Variants in ADGRA2 observed in about 807,000 individuals in gnomAD.
ADGRA2 encodes the protein G-protein coupled receptor 124.
ADGRA2 carries 61 observed loss-of-function variants against 98.7 expected under a neutral mutation model. That is an observed-to-expected ratio of 0.62 (90% confidence interval 0.50 to 0.76). ADGRA2 has a LOEUF of 0.76. ADGRA2 is among the 30% of genes least tolerant of loss of function. The pLI, the probability that ADGRA2 is intolerant of heterozygous loss-of-function variation, is 0.00. For missense variants in ADGRA2, 1,712 were observed against 1,860.0 expected (o/e 0.92, Z 1.46); for synonymous variants, 858 against 831.5 (o/e 1.03, Z -0.55).
chr8:37,833,025 G>A lies in ADGRA2; in HGVS notation c.1113G>A (p.Leu371=). ...NRGDFRWPRT[L]AGITAYQSCL... is the part of the protein sequence containing the mutation. ...CTCCCCCCAGGTGGCCCCGAACTCTGGCTGGCATCACAGCCTACCAGTCCT... is the reference window on the plus strand; with the variant it reads ...CTCCCCCCAGGTGGCCCCGAACTCTAGCTGGCATCACAGCCTACCAGTCCT... Residue 371 remains leucine, a synonymous_variant, in exon 9 of 19, where the codon CTG becomes CTA. Coordinates refer to ENST00000412232, the MANE Select transcript of ADGRA2 (RefSeq NM_032777.10). 8 of 1,612,962 alleles carry A rather than the reference G, an allele frequency of 5.0e-6. No individual in the cohort carries two copies. The highest frequency in any genetic ancestry group is 6.8e-6 in the Non-Finnish European group (8 of 1,179,790).
intron 2 of ADGRA2, among the ~76,000 whole-genome samples, chr8:37,823,381 G>A (rs961838206): frequency 6.6e-6 from 1 of 151,354 alleles, no homozygotes; most frequent in Non-Finnish European, 1.5e-5. Flanking sequence ...TTCTTTTTTG[G>A]TAGAGATAGG....
In ADGRA2 at chr8:37,839,271, G is replaced by A. The variant is rs745460946; in HGVS notation, c.2387+188G>A. On this transcript the variant is annotated intron_variant, in intron 15 of 18. Transcript: ENST00000412232. Reference sequence around the variant, plus strand: ...GGTGGACTCACTGAGGACTTGGCAGGGGTTTTTTCCCCAGGTGGGTCCACA... The same window carrying A: ...GGTGGACTCACTGAGGACTTGGCAGAGGTTTTTTCCCCAGGTGGGTCCACA... 2.3e-5 allele frequency: 14 copies of A among 620,794 alleles called. No individual in the cohort carries two copies. In the South Asian group the frequency reaches 3.6e-4, roughly 16 times the overall value. The allele number at this position is 620,794 out of a possible 1,614,324, so 38.5% of individuals were successfully genotyped here.
At chr8:37,805,636 G>A (rs1328744135) in intron 1 of ADGRA2, among the ~76,000 whole-genome samples, 2 of 151,890 alleles carry the variant, frequency 1.3e-5, no homozygotes, top group African/African-American at 4.8e-5. Context: ...TTGGGAGGCC[G>A]AGGTGGGTGG....
chr8:37,829,193 TG>T, intron 3 of ADGRA2, 67 bp from the exon 4 acceptor site: 1 of 1,168,792 alleles, frequency 8.6e-7, no homozygotes, highest in Non-Finnish European at 1.3e-6. Context: ...CCCACCCATG[TG>T]TTCCTCACAA....
Position 37,840,856 on chromosome 8 carries a change from A to AGGGG in ADGRA2, c.2747+7_2747+8insGGGG. The AGGGG allele has an allele frequency of 3.4e-6, 5 of 1,483,304 alleles. No individual in the cohort carries two copies. The highest frequency in any genetic ancestry group is 4.7e-6 in the Non-Finnish European group (5 of 1,067,488). The allele number at this position is 1,483,304 out of a possible 1,614,324, so 91.9% of individuals were successfully genotyped here. On this transcript the variant is annotated splice_region_variant and intron_variant, in intron 18 of 18. Transcript: ENST00000412232. ...ACCGGGACCACAGCCCCTAGTGAGC[A>AGGGG]CCCCTCCCTCCCGCCCCAAGCCTAC...
At chr8:37,798,564 C>A (rs1804410879) in intron 1 of ADGRA2, among the ~76,000 whole-genome samples, 1 of 152,208 alleles carries the variant, frequency 6.6e-6, no homozygotes, top group Admixed American at 6.5e-5. Flanking sequence ...ATTTGAGGGT[C>A]GGGCCCCCGC....
In ADGRA2 at chr8:37,835,024, CTA is replaced by C. The variant is rs576715758; in HGVS notation, c.1609-149_1609-148del. The C allele has an allele frequency of 2.2e-4, 130 of 594,940 alleles. 3 individuals are homozygous for C. The East Asian group carries it at 3.6e-3, about 16-fold the overall frequency. 36.9% of individuals were successfully genotyped at this position (594,940 alleles called of 1,614,324 possible). On this transcript the variant is annotated intron_variant, in intron 11 of 18. Coordinates refer to ENST00000412232, the MANE Select transcript of ADGRA2 (RefSeq NM_032777.10). ...GGTGACATAGCAAGAATCTGTTCCT[CTA>C]AAAAAAAAAAGAGAGAGAGGTGGCT...
rs533491458 is a variant in ADGRA2 at position 37,806,526 on chromosome 8, C to CTTTTTTTT, written c.267-8361_267-8354dup. 1.5e-4 allele frequency among the ~76,000 whole-genome samples: 15 copies of CTTTTTTTT among 100,350 alleles called. 1 individual carries two copies. Among genetic ancestry groups the CTTTTTTTT allele is most frequent in the East Asian group, 2.5e-4 (1 of 3,992 alleles). The allele number at this position is 100,350 out of a possible 152,430, so 65.8% of individuals were successfully genotyped here. On this transcript the variant is annotated intron_variant, in intron 1 of 18. Coordinates refer to ENST00000412232, the MANE Select transcript of ADGRA2 (RefSeq NM_032777.10). ...CTTTTTCTTTTTCTTTTTTCTTTTT[C>CTTTTTTTT]TTTTTTTTTTTTTTTTGAGACAGAG...
chr8:37,837,574 C>T (rs550634130), intron 13 of ADGRA2, among the ~76,000 whole-genome samples, 157 bp from the exon 14 acceptor site: 1 of 152,360 alleles, frequency 6.6e-6, no homozygotes, highest in African/African-American at 2.4e-5. Flanking sequence ...CTGAGGCTGT[C>T]CTTGGCATCT....
At position 37,833,007 on chromosome 8, in the gene ADGRA2, C is replaced by A. The variant is rs761663561; in HGVS notation, c.1098-3C>A. ...ATCGGCAACTTCCTGCCTCTCCCCC[C>A]AGGTGGCCCCGAACTCTGGCTGGCA... On this transcript the variant is annotated splice_region_variant and splice_polypyrimidine_tract_variant and intron_variant, in intron 8 of 18. Transcript: ENST00000412232. The A allele has an allele frequency of 8.7e-6, 14 of 1,610,454 alleles. No homozygotes were observed. Among genetic ancestry groups the A allele is most frequent in the Middle Eastern group, 1.9e-4 (1 of 5,150 alleles).
intron 14 of ADGRA2, 24 bp from the exon 15 acceptor site, chr8:37,838,932 G>C: frequency 6.5e-7 from 1 of 1,547,788 alleles, no homozygotes; most frequent in Non-Finnish European, 8.7e-7. Flanking sequence ...CATTCCTCAC[G>C]TCCTCCTTCC....
chr8:37,799,797 G>A (rs568090603), intron 1 of ADGRA2, among the ~76,000 whole-genome samples: 140 of 152,270 alleles, frequency 9.2e-4, no homozygotes, highest in Middle Eastern at 3.4e-3. Context: ...CACAAACAGG[G>A]CAGGCCAGGG....
In ADGRA2 at chr8:37,821,853, C is replaced by T. The variant is rs765510499; in HGVS notation, c.338+6886C>T. Among the ~76,000 whole-genome samples, 21 of 152,268 alleles carry T rather than the reference C, an allele frequency of 1.4e-4. 1 individual carries two copies. Among genetic ancestry groups the T allele is most frequent in the South Asian group, 4.1e-4 (2 of 4,824 alleles). ...TGCTCATGGGAACGAACGAAAGTGG[C>T]GGCCTGGGGGTGGAGTGAGGCTTGC... On this transcript the variant is annotated intron_variant, in intron 2 of 18. Transcript: ENST00000412232.
intron 1 of ADGRA2, among the ~76,000 whole-genome samples, chr8:37,804,205 C>T (rs1804595945): frequency 6.6e-6 from 1 of 151,998 alleles, no homozygotes; most frequent in Non-Finnish European, 1.5e-5. Flanking sequence ...CCTCCCATCC[C>T]CTCTGCTGTT....
Position 37,839,504 on chromosome 8 carries a change from T to A in ADGRA2, c.2393T>A (p.Ile798Asn), listed in dbSNP as rs780651961. 4 of 1,614,016 alleles carry A rather than the reference T, an allele frequency of 2.5e-6. No homozygotes were observed. The highest frequency in any genetic ancestry group is 2.5e-6 in the Non-Finnish European group (3 of 1,180,022). ...TCGAGACTGTTTCCGGGCAGCTCCA[T>A]CCGTGTGTCCCGGAAAGGCTGGCAC... is the stretch of plus-strand genomic sequence containing the variant. ...IITYILNHSS[I>N]RVSRKGWHML... is the part of the protein sequence containing the mutation. Residue 798 changes from isoleucine (I) to asparagine (N), a missense_variant, in exon 16 of 19, where the codon ATC becomes AAC. Coordinates refer to ENST00000412232, the MANE Select transcript of ADGRA2 (RefSeq NM_032777.10).
Position 37,837,845 on chromosome 8 carries a change from G to A in ADGRA2, c.2165G>A (p.Gly722Glu), listed in dbSNP as rs1044641803. The change falls in exon 14 of 19, where the codon GGG (glycine) becomes GAG (glutamate). Residue 722 changes from glycine to glutamate, a missense_variant. Transcript: ENST00000412232. ...WWSQEGPGEA[G>E]GWTSEGCQLR... ...AGCCAGGAGGGGCCCGGGGAGGCTG[G>A]GGGCTGGACCTCGGAGGGCTGCCAG... The A allele has an allele frequency of 2.6e-6, 4 of 1,520,322 alleles. No individual in the cohort carries two copies. Among genetic ancestry groups the A allele is most frequent in the Admixed American group, 4.2e-5 (2 of 47,600 alleles). 94.2% of individuals were successfully genotyped at this position (1,520,322 alleles called of 1,614,324 possible).
intron 13 of ADGRA2, among the ~76,000 whole-genome samples, chr8:37,836,072 CACACACACACACACACACACACACA>C (rs1485919033): frequency 6.6e-6 from 1 of 151,030 alleles, no homozygotes; most frequent in East Asian, 1.9e-4. Context: ...CACACACACA[CACACACACACACACACACACACACA>C]CCCCACAGGC....
intron 2 of ADGRA2, among the ~76,000 whole-genome samples, chr8:37,828,144 AC>A (rs1186561086): frequency 6.6e-6 from 1 of 151,782 alleles, no homozygotes; most frequent in Non-Finnish European, 1.5e-5. Flanking sequence ...AGCCTCAAAA[AC>A]AAAACAAAAC....
rs1346791660 is a variant in ADGRA2 at position 37,834,208 on chromosome 8, C to T, written c.1608+80C>T. The T allele has an allele frequency of 3.1e-6, 4 of 1,309,054 alleles. No homozygotes were observed. Among genetic ancestry groups the T allele is most frequent in the Non-Finnish European group, 4.2e-6 (4 of 954,810 alleles). The allele number at this position is 1,309,054 out of a possible 1,614,324, so 81.1% of individuals were successfully genotyped here. A position where few individuals can be genotyped will look rare whatever the true frequency, so the allele number is the denominator to read the frequency against. On this transcript the variant is annotated intron_variant, in intron 11 of 18. Transcript: ENST00000412232. This position sits in a 1 kb window ranked among gnomAD's most constrained non-coding sequence, Gnocchi z 4.2. ...CCTCTCAGGCGTGCACCTGCCGTGC[C>T]CCAGCTAGCAAGAGCAGCAGACGTG...
Sources: gnomAD v4.1 joint callset for allele counts (sites outside exome capture counted in the v4.1 genomes callset) on GRCh38, gnomAD v4.1.1 for gene constraint, Gnocchi (gnomAD v3.1) non-coding constraint, MANE v1.5 for transcripts, NCBI Gene and HGNC (gene_info 2026-07-23, HGNC 2026-07-21) for gene names.